SDK1: variants seen among roughly 807,000 people sequenced by gnomAD.
SDK1 encodes the protein sidekick cell adhesion molecule 1, also known as protein sidekick-1.
In SDK1, 157 loss-of-function variants were observed where a neutral mutation model predicts 245.5. The ratio of observed to expected loss-of-function variants is 0.64; its 90% CI spans 0.56 to 0.73. SDK1 has a LOEUF of 0.73. SDK1 is among the 30% of genes least tolerant of loss of function. SDK1 has a pLI of 0.00. For missense variants in SDK1, 3,583 were observed against 3,002.3 expected (o/e 1.19, Z -4.52); for synonymous variants, 1,647 against 1,278.5 (o/e 1.29, Z -6.15).
At chr7:3,957,291 C>T (rs558407861) in intron 7 of SDK1, among the ~76,000 whole-genome samples, 9 of 152,260 alleles carry the variant, frequency 5.9e-5, no homozygotes, top group South Asian at 4.1e-4. Context: ...CACACTTGAG[C>T]GCAGGAAACA....
At chr7:4,245,640 C>A in intron 43 of SDK1, 36 bp from the exon 44 acceptor site, 1 of 1,605,468 alleles carries the variant, frequency 6.2e-7, no homozygotes, top group Non-Finnish European at 8.5e-7. Flanking sequence ...GCGTCTTTTG[C>A]CCAGAGGGTA....
intron 1 of SDK1, among the ~76,000 whole-genome samples, chr7:3,479,272 A>T (rs911818554): frequency 2.6e-5 from 4 of 151,702 alleles, no homozygotes; most frequent in Non-Finnish European, 5.9e-5. Flanking sequence ...AAACATAAAA[A>T]TTAGCCAGGC....
At chr7:4,195,498 C>A (rs1458723937) in intron 35 of SDK1, among the ~76,000 whole-genome samples, 1 of 152,188 alleles carries the variant, frequency 6.6e-6, no homozygotes, top group Non-Finnish European at 1.5e-5. Flanking sequence ...AAATGAGTCC[C>A]CTCCCGCCTG....
At position 3,394,354 on chromosome 7, in the gene SDK1, T is replaced by C. The variant is rs143255791; in HGVS notation, c.298+92470T>C. On this transcript the variant is annotated intron_variant, in intron 1 of 44. Coordinates refer to ENST00000404826, the MANE Select transcript of SDK1 (RefSeq NM_152744.4). Reference sequence around the variant, plus strand: ...GTTAAAAATCAGTGGATAATAAATATAAGAATTTATTGCTGGATTCGTAAT... The same window carrying C: ...GTTAAAAATCAGTGGATAATAAATACAAGAATTTATTGCTGGATTCGTAAT... 1.1e-3 allele frequency among the ~76,000 whole-genome samples: 170 copies of C among 152,272 alleles called. 1 individual carries two copies. Among genetic ancestry groups the C allele is most frequent in the Non-Finnish European group, 2.1e-3 (145 of 67,996 alleles).
At chr7:3,403,754 C>T (rs571681100) in intron 1 of SDK1, among the ~76,000 whole-genome samples, 47 of 145,742 alleles carry the variant, frequency 3.2e-4, no homozygotes, top group Non-Finnish European at 6.0e-4. Context: ...AGAGTGAGGG[C>T]ACTGTGCGTC....
chr7:3,715,348 C>T (rs990129387), intron 4 of SDK1, among the ~76,000 whole-genome samples: 9 of 152,116 alleles, frequency 5.9e-5, no homozygotes, highest in African/African-American at 7.2e-5. Context: ...TTTTCCGATC[C>T]GTTTACAGTG....
At chr7:3,509,867 C>T (rs1251990536) in intron 1 of SDK1, among the ~76,000 whole-genome samples, 2 of 152,180 alleles carry the variant, frequency 1.3e-5, no homozygotes, top group East Asian at 3.9e-4. Context: ...GTCAGTGGTT[C>T]TCAGTTCAGA....
chr7:4,258,231 A>G (rs1787746196), intron 44 of SDK1, among the ~76,000 whole-genome samples: 1 of 152,180 alleles, frequency 6.6e-6, no homozygotes, highest in Non-Finnish European at 1.5e-5. Context: ...AGTTCTGGAC[A>G]TGCTCTTGGA....
At chr7:4,225,389 T>C (rs754412854) in intron 40 of SDK1, among the ~76,000 whole-genome samples, 1 of 152,184 alleles carries the variant, frequency 6.6e-6, no homozygotes, top group Non-Finnish European at 1.5e-5. Context: ...CAATGTGTCT[T>C]TGAGCACTCT....
At chr7:3,666,700 G>C (rs1482619531) in intron 4 of SDK1, among the ~76,000 whole-genome samples, 1 of 152,098 alleles carries the variant, frequency 6.6e-6, no homozygotes, top group African/African-American at 2.4e-5. Context: ...ATTGTTTTAT[G>C]CCTAATATTA....
intron 28 of SDK1, among the ~76,000 whole-genome samples, chr7:4,135,568 C>A (rs937480645): frequency 6.6e-6 from 1 of 152,208 alleles, no homozygotes; most frequent in African/African-American, 2.4e-5. Context: ...CACTGCATCA[C>A]GGACAAGTAG....
rs563830249 is a variant in SDK1 at position 3,806,734 on chromosome 7, T to A, written c.714-14716T>A. On this transcript the variant is annotated intron_variant, in intron 4 of 44. Coordinates refer to ENST00000404826, the MANE Select transcript of SDK1 (RefSeq NM_152744.4). ...AGGAGATGAATGGAGCAATTACGTT[T>A]TATGTTATTGTGTTGTGTTTGTCAT... Among the ~76,000 whole-genome samples, 4 of 152,360 alleles carry A rather than the reference T, an allele frequency of 2.6e-5. No homozygotes were observed. The South Asian group carries it at 8.3e-4, about 32-fold the overall frequency.
chr7:3,793,127 A>ATTT (rs1355038112), intron 4 of SDK1, among the ~76,000 whole-genome samples: 3 of 152,226 alleles, frequency 2.0e-5, no homozygotes, highest in African/African-American at 7.2e-5. Context: ...GTTATGAAAA[A>ATTT]TATCTACCCA....
At chr7:3,396,254 T>C (rs563172815) in intron 1 of SDK1, among the ~76,000 whole-genome samples, 1 of 152,008 alleles carries the variant, frequency 6.6e-6, no homozygotes, top group Non-Finnish European at 1.5e-5. Context: ...TGTTGGTAAA[T>C]ATACTTTATA....
In SDK1 at chr7:3,936,656, A is replaced by G. The variant is rs915802870; in HGVS notation, c.848-14267A>G. Among the ~76,000 whole-genome samples the G allele has an allele frequency of 1.1e-4, 16 of 152,366 alleles. 1 individual carries two copies. The highest frequency in any genetic ancestry group is 8.5e-4 in the Admixed American group (13 of 15,310). ...CACAGCTTGAGCGTCCTTAACGCCA[A>G]TGAACTGTTCACTTAGAAATGGTTA... On this transcript the variant is annotated intron_variant, in intron 5 of 44. Coordinates refer to ENST00000404826, the MANE Select transcript of SDK1 (RefSeq NM_152744.4).
chr7:3,509,774 A>G (rs1474100360), intron 1 of SDK1, among the ~76,000 whole-genome samples: 1 of 152,232 alleles, frequency 6.6e-6, no homozygotes, highest in Non-Finnish European at 1.5e-5. Context: ...TTTCTGTAAG[A>G]AAAGCAGCAT....
chr7:3,404,516 G>T (rs1292898715), intron 1 of SDK1, among the ~76,000 whole-genome samples: 1 of 152,204 alleles, frequency 6.6e-6, no homozygotes, highest in Non-Finnish European at 1.5e-5. Flanking sequence ...TAAACAACTT[G>T]TTAGTCTGCC....
At chr7:4,125,034 A>G (rs557621829) in intron 25 of SDK1, among the ~76,000 whole-genome samples, 9 of 149,346 alleles carry the variant, frequency 6.0e-5, no homozygotes, top group Admixed American at 6.0e-4. Flanking sequence ...GGATGGATGA[A>G]TGAATAGATG....
At chr7:4,002,762 A>G (rs919765735) in intron 14 of SDK1, among the ~76,000 whole-genome samples, 1 of 152,246 alleles carries the variant, frequency 6.6e-6, no homozygotes, top group Non-Finnish European at 1.5e-5. Context: ...GGAGATGGAT[A>G]TCTGGTTCTC....
Sources: gnomAD v4.1 joint callset for allele counts (sites outside exome capture counted in the v4.1 genomes callset) on GRCh38, gnomAD v4.1.1 for gene constraint, MANE v1.5 for transcripts, NCBI Gene and HGNC (gene_info 2026-07-23, HGNC 2026-07-21) for gene names.